GLIS3: variants seen among roughly 807,000 people sequenced by gnomAD.
GLIS3 encodes the protein zinc finger protein GLIS3.
Under a neutral mutation model 78.6 loss-of-function variants are expected in GLIS3, and 53 were observed. That is an observed-to-expected ratio of 0.67 (90% confidence interval 0.54 to 0.85). The LOEUF (loss-of-function observed/expected upper bound fraction) is 0.85. Ranked by LOEUF, GLIS3 falls within the 40% of genes least tolerant of loss-of-function variation. GLIS3 has a pLI of 0.00. For missense variants in GLIS3, 1,703 were observed against 1,231.1 expected (o/e 1.38, Z -5.74); for synonymous variants, 684 against 509.9 (o/e 1.34, Z -4.60).
chr9:4,355,277 A>C, the GLIS3 span, among the ~76,000 whole-genome samples: 1 of 152,278 alleles, frequency 6.6e-6, no homozygotes, highest in Admixed American at 6.5e-5. Context: ...GACTATCTGC[A>C]AGCAACTTAA....
the GLIS3 span, among the ~76,000 whole-genome samples, chr9:4,381,010 A>C: frequency 2.0e-5 from 3 of 152,176 alleles, no homozygotes; most frequent in Non-Finnish European, 4.4e-5. Flanking sequence ...GCCAGAGGGT[A>C]AGTAGTCTCA....
chr9:4,266,595 TACACACACACACACACACAC>T (rs57746056), intron 2 of GLIS3, among the ~76,000 whole-genome samples: 1 of 149,294 alleles, frequency 6.7e-6, no homozygotes, highest in Non-Finnish European at 1.5e-5. Context: ...CATGCGCGTG[TACACACACACACACACACAC>T]ACACACACAC....
At chr9:4,152,730 T>A (rs574497012) in intron 2 of GLIS3, among the ~76,000 whole-genome samples, 1 of 152,174 alleles carries the variant, frequency 6.6e-6, no homozygotes, top group Admixed American at 6.5e-5. Context: ...AGACGCAATG[T>A]AAATTTTACA....
intron 4 of GLIS3, among the ~76,000 whole-genome samples, chr9:3,980,733 ATG>A (rs1450378376): frequency 2.0e-5 from 3 of 152,178 alleles, no homozygotes; most frequent in Admixed American, 2.0e-4. Context: ...TTTTTTAAGA[ATG>A]TGCCTAGAAA....
At chr9:4,381,605 C>G in the GLIS3 span, among the ~76,000 whole-genome samples, 1 of 151,798 alleles carries the variant, frequency 6.6e-6, no homozygotes, top group African/African-American at 2.4e-5. Flanking sequence ...ATGCATGAAC[C>G]TCCAACTGGG....
intron 2 of GLIS3, among the ~76,000 whole-genome samples, chr9:4,343,408 A>G (rs919803765): frequency 2.0e-5 from 3 of 152,232 alleles, no homozygotes; most frequent in Non-Finnish European, 4.4e-5. Flanking sequence ...TAAAAGGTAA[A>G]AAAATAACAT....
chr9:4,408,291 A>G, the GLIS3 span, among the ~76,000 whole-genome samples: 2 of 152,282 alleles, frequency 1.3e-5, no homozygotes, highest in African/African-American at 2.4e-5. Context: ...GGAAATCAGT[A>G]TATCGAGGAG....
rs375834888 is a variant in GLIS3, at chr9:4,286,331, C to G, written c.95G>C (p.Arg32Pro). The change falls in exon 2 of 11, where the codon CGA (arginine) becomes CCA (proline). Residue 32 changes from arginine to proline, a missense_variant. Arg to Pro is a moderately radical substitution (Grantham distance 103). Coordinates refer to ENST00000381971, the MANE Select transcript of GLIS3 (RefSeq NM_001042413.2). ...MVSGHHIPAI[R>P]AHSGTPGPSP... ...GGGGCCAGGAGTCCCGGAGTGGGCT[C>G]GGATGGCAGGAATGTGATGACCACT... 58 of 1,614,060 alleles carry G rather than the reference C, an allele frequency of 3.6e-5. No individual in the cohort carries two copies. Among genetic ancestry groups the G allele is most frequent in the Non-Finnish European group, 4.9e-5 (58 of 1,180,026 alleles).
At chr9:4,361,599 T>G in the GLIS3 span, among the ~76,000 whole-genome samples, 2 of 152,206 alleles carry the variant, frequency 1.3e-5, no homozygotes, top group Non-Finnish European at 2.9e-5. Context: ...CCAAGATAAA[T>G]CCTGGAACAG....
chr9:4,051,835 G>A (rs1230592365), intron 4 of GLIS3, among the ~76,000 whole-genome samples: 1 of 152,170 alleles, frequency 6.6e-6, no homozygotes, highest in Non-Finnish European at 1.5e-5. Context: ...TTAATGTTCA[G>A]TCAAAGGTGG....
At chr9:4,451,934 G>A in the GLIS3 span, among the ~76,000 whole-genome samples, 1 of 145,994 alleles carries the variant, frequency 6.8e-6, no homozygotes, top group African/African-American at 2.8e-5. Context: ...TAAAATACTG[G>A]CAAACGGAAT....
At chr9:4,339,190 G>A (rs1268259153) in intron 2 of GLIS3, among the ~76,000 whole-genome samples, 1 of 152,192 alleles carries the variant, frequency 6.6e-6, no homozygotes, top group Admixed American at 6.5e-5. Context: ...TCTGTCCCCA[G>A]GTGTGTAAGT....
At chr9:3,878,339 A>C (rs1440232594) in intron 8 of GLIS3, among the ~76,000 whole-genome samples, 1 of 152,236 alleles carries the variant, frequency 6.6e-6, no homozygotes, top group Non-Finnish European at 1.5e-5. Context: ...ATATTTTAAT[A>C]ACTTTTTGGA....
chr9:4,316,809 A>G (rs1048984100), intron 2 of GLIS3, among the ~76,000 whole-genome samples: 22 of 152,236 alleles, frequency 1.4e-4, no homozygotes, highest in Admixed American at 5.2e-4. Context: ...AATCTTTTAA[A>G]AATGTATGCA....
At position 4,031,922 on chromosome 9, in the gene GLIS3, A is replaced by T. The variant is rs143383486; in HGVS notation, c.1710+85846T>A. 5.8e-4 allele frequency among the ~76,000 whole-genome samples: 88 copies of T among 152,292 alleles called. No individual in the cohort carries two copies. The Middle Eastern group carries it at 0.01, about 18-fold the overall frequency. On this transcript the variant is annotated intron_variant, in intron 4 of 10. Coordinates refer to ENST00000381971, the MANE Select transcript of GLIS3 (RefSeq NM_001042413.2). ...TCATGCCAATATATACAGGGCAGGG[A>T]GCCTAGACTCTGGCTAGCCAGGAAA...
intron 2 of GLIS3, among the ~76,000 whole-genome samples, chr9:4,250,314 G>C (rs1414241797): frequency 2.0e-5 from 3 of 152,094 alleles, no homozygotes; most frequent in Non-Finnish European, 2.9e-5. Context: ...ACCTACTCAG[G>C]TATTCAACTT....
At chr9:4,303,187 A>G (rs1817137331), upstream of GLIS3, among the ~76,000 whole-genome samples, 1 of 152,138 alleles carries the variant, frequency 6.6e-6, no homozygotes, top group African/African-American at 2.4e-5. Flanking sequence ...GTGTCCGTGA[A>G]AAGAAACAAA....
intron 4 of GLIS3, among the ~76,000 whole-genome samples, chr9:3,959,495 G>A (rs553597114): frequency 2.0e-5 from 3 of 152,224 alleles, no homozygotes; most frequent in Non-Finnish European, 4.4e-5. Flanking sequence ...GCTTCCTACA[G>A]TACCCAAAAG....
At chr9:4,430,674 G>A in the GLIS3 span, among the ~76,000 whole-genome samples, 1 of 152,160 alleles carries the variant, frequency 6.6e-6, no homozygotes, top group African/African-American at 2.4e-5. Flanking sequence ...CCCTAAGGAA[G>A]GCCATGGGTT....
Sources: gnomAD v4.1 joint callset for allele counts (sites outside exome capture counted in the v4.1 genomes callset) on GRCh38, gnomAD v4.1.1 for gene constraint, MANE v1.5 for transcripts, NCBI Gene and HGNC (gene_info 2026-07-23, HGNC 2026-07-21) for gene names.